BANP: variants seen among roughly 807,000 people sequenced by gnomAD.
The protein encoded by BANP is protein BANP.
BANP carries 11 observed loss-of-function variants against 68.1 expected under a neutral mutation model. The ratio of observed to expected loss-of-function variants is 0.16; its 90% CI spans 0.10 to 0.27. The LOEUF (loss-of-function observed/expected upper bound fraction) is 0.27. Ranked by LOEUF, BANP falls within the 10% of genes least tolerant of loss-of-function variation. The pLI, the probability that BANP is intolerant of heterozygous loss-of-function variation, is 1.00. For missense variants in BANP, 504 were observed against 722.7 expected, an observed-to-expected ratio of 0.70 and a Z score of 3.47; for synonymous variants, 329 against 303.2, an observed-to-expected ratio of 1.09 and a Z score of -0.88.
chr16:88,013,837 C>G (rs2073836901), intron 6 of BANP, among the ~76,000 whole-genome samples: 1 of 152,196 alleles, frequency 6.6e-6, no homozygotes. Flanking sequence ...GAGAACATGC[C>G]TGAAAATCTC....
chr16:88,031,649 A>C (rs1446123808), intron 8 of BANP, among the ~76,000 whole-genome samples: 1 of 108,544 alleles, frequency 9.2e-6, no homozygotes, highest in African/African-American at 6.0e-5. Flanking sequence ...ACTCTCTCTC[A>C]AAAAAAAAAA....
At chr16:87,992,286 T>C (rs2066057019) in intron 4 of BANP, among the ~76,000 whole-genome samples, 1 of 152,252 alleles carries the variant, frequency 6.6e-6, no homozygotes, top group Non-Finnish European at 1.5e-5. Flanking sequence ...TTTGCGTCTG[T>C]GTTTGTGCAA....
intron 1 of BANP, among the ~76,000 whole-genome samples, chr16:87,955,107 G>T (rs962947621): frequency 3.3e-5 from 5 of 152,202 alleles, no homozygotes; most frequent in African/African-American, 1.2e-4. Flanking sequence ...TGCCAAGCGG[G>T]CCGTCTGCCC....
At chr16:88,059,801 C>T (rs2086206482) in intron 11 of BANP, among the ~76,000 whole-genome samples, 1 of 152,264 alleles carries the variant, frequency 6.6e-6, no homozygotes, top group African/African-American at 2.4e-5. Context: ...CCCTCCTCTG[C>T]TCCCTGTGTG....
chr16:87,953,588 C>A (rs73240736), intron 1 of BANP, among the ~76,000 whole-genome samples: 2 of 152,158 alleles, frequency 1.3e-5, no homozygotes, highest in Non-Finnish European at 2.9e-5. Context: ...ACTCTTCTAT[C>A]CCCTGGACTG....
chr16:87,961,177 C>T (rs770932997), intron 1 of BANP, among the ~76,000 whole-genome samples: 1 of 152,170 alleles, frequency 6.6e-6, no homozygotes, highest in East Asian at 1.9e-4. Flanking sequence ...GTTCACATTC[C>T]ATATTGCAAA....
chr16:88,036,659 G>A lies in BANP; in HGVS notation c.1272+1265G>A, dbSNP rs965892540. 2.6e-5 allele frequency among the ~76,000 whole-genome samples: 4 copies of A among 152,176 alleles called. No individual in the cohort carries two copies. The highest frequency in any genetic ancestry group is 2.6e-4 in the Admixed American group (4 of 15,282). Reference sequence around the variant, plus strand: ...GGTGAAAGGGGAGGAACGAATTCATGTGGGGGCCGTGAGCGACTGGGAATG... The same window carrying A: ...GGTGAAAGGGGAGGAACGAATTCATATGGGGGCCGTGAGCGACTGGGAATG... On this transcript the variant is annotated intron_variant, in intron 10 of 13. Coordinates refer to ENST00000682872, the MANE Select transcript of BANP (RefSeq NM_001386991.1). The surrounding 1 kb of genome is among the most constrained non-coding windows in gnomAD (Gnocchi z 4.2).
At chr16:88,037,275 G>C (rs1215188944) in intron 10 of BANP, 1 of 152,158 alleles carries the variant, frequency 6.6e-6, no homozygotes, top group Non-Finnish European at 1.5e-5. Flanking sequence ...AATCCATCTT[G>C]TATAGGTGAT....
intron 4 of BANP, among the ~76,000 whole-genome samples, chr16:87,986,298 G>A (rs1211985093): frequency 1.3e-5 from 2 of 152,250 alleles, no homozygotes; most frequent in African/African-American, 4.8e-5. Flanking sequence ...CCAGTGCTGG[G>A]CAGGTCATTG....
chr16:88,038,665 T>C (rs1025856882), intron 11 of BANP, among the ~76,000 whole-genome samples: 6 of 152,172 alleles, frequency 3.9e-5, no homozygotes, highest in African/African-American at 1.4e-4. Context: ...CCAGTACGAA[T>C]GGTCTCTACA....
Position 88,004,994 on chromosome 16 carries a change from C to T in BANP, c.479+583C>T, listed in dbSNP as rs932975125. On this transcript the variant is annotated intron_variant, in intron 5 of 13. Transcript: ENST00000682872. The surrounding 1 kb of genome is among the most constrained non-coding windows in gnomAD (Gnocchi z 7.0). ...AGTGCCCCTGGGGCTGCGTGAACCC[C>T]TGAGGATGCTGTTGCTTTTTCTTTC... Among the ~76,000 whole-genome samples, 2 of 152,200 alleles carry T rather than the reference C, an allele frequency of 1.3e-5. No homozygotes were observed. The highest frequency in any genetic ancestry group is 1.3e-4 in the Admixed American group (2 of 15,286).
chr16:88,001,180 G>A (rs1426702827), intron 4 of BANP, among the ~76,000 whole-genome samples: 1 of 73,908 alleles, frequency 1.4e-5, no homozygotes, highest in Non-Finnish European at 2.4e-5. Context: ...CTCCATGCAC[G>A]CACGTGTGCG....
Position 88,018,396 on chromosome 16 carries a change from G to A in BANP, c.656-32G>A, listed in dbSNP as rs1272329749. The A allele has an allele frequency of 1.3e-6, 2 of 1,594,114 alleles. No homozygotes were observed. The highest frequency in any genetic ancestry group is 1.7e-6 in the Non-Finnish European group (2 of 1,168,716). ...CTGAATGTGAGCTTATTTGAGCCTT[G>A]GCCATCTGAGGACCTGTCTTCTGTT... On this transcript the variant is annotated intron_variant, in intron 6 of 13. Transcript: ENST00000682872. The surrounding 1 kb of genome is among the most constrained non-coding windows in gnomAD (Gnocchi z 7.7).
intron 11 of BANP, among the ~76,000 whole-genome samples, chr16:88,052,435 A>C (rs966429491): frequency 6.6e-6 from 1 of 152,104 alleles, no homozygotes. Flanking sequence ...TTTGGAGATG[A>C]AGACAGTAGA....
At position 87,971,990 on chromosome 16, in the gene BANP, C is replaced by T. The variant is rs186175730; in HGVS notation, c.-68-3058C>T. Among the ~76,000 whole-genome samples the T allele has an allele frequency of 1.2e-3, 183 of 152,130 alleles. 2 individuals are homozygous for T. Among genetic ancestry groups the T allele is most frequent in the African/African-American group, 3.8e-3 (158 of 41,504 alleles). Reference sequence around the variant, plus strand: ...AAAATATTTTATGGAGTCGGGGTCTCGGTACATGCCCAGGCTGCTCTTGAG... The same window carrying T: ...AAAATATTTTATGGAGTCGGGGTCTTGGTACATGCCCAGGCTGCTCTTGAG... On this transcript the variant is annotated intron_variant, in intron 1 of 13. Transcript: ENST00000682872.
rs2090239066 is a variant in BANP at position 88,071,275 on chromosome 16, C to T, written c.1378-794C>T. ...AGACCCCGTGGCTCATGTCAAGTGC[C>T]CTCAGGGCTGGGGCTGCCCACCCGC... On this transcript the variant is annotated intron_variant, in intron 12 of 13. Coordinates refer to ENST00000682872, the MANE Select transcript of BANP (RefSeq NM_001386991.1). The surrounding 1 kb of genome is among the most constrained non-coding windows in gnomAD (Gnocchi z 6.5). The T allele has an allele frequency of 2.8e-6, 1 of 361,552 alleles. No homozygotes were observed. The highest frequency in any genetic ancestry group is 5.5e-6 in the Non-Finnish European group (1 of 183,478). The allele number at this position is 361,552 out of a possible 1,614,324, so 22.4% of individuals were successfully genotyped here.
At chr16:88,026,453 T>C (rs544292035) in intron 7 of BANP, among the ~76,000 whole-genome samples, 4 of 152,362 alleles carry the variant, frequency 2.6e-5, no homozygotes, top group African/African-American at 9.6e-5. Flanking sequence ...TGCGCCAGAA[T>C]GTTCTGGGTG....
chr16:88,068,140 C>T (rs1056039873), intron 12 of BANP, among the ~76,000 whole-genome samples: 3 of 152,264 alleles, frequency 2.0e-5, no homozygotes, highest in Non-Finnish European at 4.4e-5. Context: ...TGGAAAGCGT[C>T]GTGCACTCGT....
At position 88,076,837 on chromosome 16, in the gene BANP, C is replaced by T; in HGVS notation, c.*176C>T. On this transcript the variant is annotated 3_prime_UTR_variant, in exon 14 of 14. Transcript: ENST00000682872. ...CTATCAACTGAAAGAGCAGCCGCCG[C>T]CGCCCCCAGCCGGAGACCCCTTTCG... 3.4e-6 allele frequency: 2 copies of T among 590,208 alleles called. No individual in the cohort carries two copies. Among genetic ancestry groups the T allele is most frequent in the South Asian group, 4.3e-5 (2 of 46,794 alleles). 36.6% of individuals were successfully genotyped at this position (590,208 alleles called of 1,614,324 possible). A position where few individuals can be genotyped will look rare whatever the true frequency, so the allele number is the denominator to read the frequency against.
Sources: allele counts gnomAD v4.1 joint callset (sites outside exome capture counted in the v4.1 genomes callset), GRCh38; gene constraint gnomAD v4.1.1; non-coding constraint Gnocchi (gnomAD v3.1); transcripts MANE v1.5; gene names NCBI Gene and HGNC (gene_info 2026-07-23, HGNC 2026-07-21).